The following ZNF365 variants were observed in gnomAD, a reference collection of about 807,000 sequenced individuals.
The protein encoded by ZNF365 is protein ZNF365.
In ZNF365, 22 loss-of-function variants were observed where a neutral mutation model predicts 35.0. That is an observed-to-expected ratio of 0.63 (90% confidence interval 0.45 to 0.90). The LOEUF is 0.90. Among genes scored for constraint, ZNF365 ranks in the 40% least tolerant of loss-of-function variants. The pLI, the probability that ZNF365 is intolerant of heterozygous loss-of-function variation, is 0.00. For missense variants in ZNF365, 448 were observed against 500.3 expected (o/e 0.90, Z 1.00); for synonymous variants, 188 against 196.2 (o/e 0.96, Z 0.35).
chr10:62,442,239 T>A (rs983673593), intron 3 of ZNF365, among the ~76,000 whole-genome samples: 53 of 152,136 alleles, frequency 3.5e-4, no homozygotes, highest in African/African-American at 1.3e-3. Flanking sequence ...GTTATTTTTC[T>A]CCATGACAAC....
intron 3 of ZNF365, among the ~76,000 whole-genome samples, chr10:62,446,600 G>T (rs912853779): frequency 1.2e-5 from 1 of 82,618 alleles, no homozygotes; most frequent in African/African-American, 3.6e-5. Flanking sequence ...GAGCTTCCAG[G>T]GATTTTTTTT....
intron 2 of ZNF365, among the ~76,000 whole-genome samples, chr10:62,382,572 G>A (rs1286895143): frequency 1.3e-5 from 2 of 152,148 alleles, no homozygotes; most frequent in Non-Finnish European, 2.9e-5. Context: ...TTGGGACTCA[G>A]AATATAGTAT....
chr10:62,464,356 G>A (rs1017937444), intron 4 of ZNF365, among the ~76,000 whole-genome samples: 4 of 152,164 alleles, frequency 2.6e-5, no homozygotes, highest in Admixed American at 6.5e-5. Flanking sequence ...TTCACAACAC[G>A]TAAGAGGATT....
chr10:62,468,368 C>G lies in ZNF365; in HGVS notation c.981+8571C>G, dbSNP rs142285249. The stretch of plus-strand genomic sequence containing the variant: ...TTCATGGAAGATGCATATTATGAAA[C>G]AACTATGCATGAATTTCAATTTTTT... On this transcript the variant is annotated intron_variant, in intron 4 of 4. Coordinates refer to the ZNF365 transcript ENST00000395255. Among the ~76,000 whole-genome samples, 335 of 152,146 alleles carry G rather than the reference C, an allele frequency of 2.2e-3. 5 individuals are homozygous for G. Among genetic ancestry groups the G allele is most frequent in the Non-Finnish European group, 9.1e-4 (62 of 68,000 alleles).
chr10:62,431,133 G>A (rs1200935461), intron 3 of ZNF365, among the ~76,000 whole-genome samples: 2 of 152,168 alleles, frequency 1.3e-5, no homozygotes, highest in Admixed American at 1.3e-4. Context: ...CCCTGCCTGG[G>A]AGGACTAACT....
At chr10:62,417,107 T>C (rs1840087570) in intron 3 of ZNF365, among the ~76,000 whole-genome samples, 1 of 152,086 alleles carries the variant, frequency 6.6e-6, no homozygotes, top group African/African-American at 2.4e-5. Flanking sequence ...CTTACTTTGT[T>C]TACCAATGAC....
intron 4 of ZNF365, among the ~76,000 whole-genome samples, chr10:62,472,586 C>G (rs1375102649): frequency 3.3e-5 from 5 of 152,164 alleles, no homozygotes; most frequent in Non-Finnish European, 7.3e-5. Flanking sequence ...TGTGACAGAG[C>G]CTTTCCTAGT....
intron 3 of ZNF365, among the ~76,000 whole-genome samples, chr10:62,441,038 C>T (rs562815291): frequency 1.1e-4 from 17 of 152,300 alleles, no homozygotes; most frequent in Admixed American, 1.0e-3. Flanking sequence ...TAAATATTCA[C>T]TTACTCATAA....
chr10:62,463,508 C>T (rs1438414330), intron 4 of ZNF365, among the ~76,000 whole-genome samples: 1 of 152,180 alleles, frequency 6.6e-6, no homozygotes, highest in African/African-American at 2.4e-5. Flanking sequence ...AGAGCCGGGA[C>T]AAATATGTGC....
chr10:62,425,495 C>T (rs147511998), intron 3 of ZNF365, among the ~76,000 whole-genome samples: 1 of 152,152 alleles, frequency 6.6e-6, no homozygotes, highest in Non-Finnish European at 1.5e-5. Flanking sequence ...TATGAACCAA[C>T]AGTTCACAGA....
chr10:62,433,238 G>T (rs1840359745), intron 3 of ZNF365, among the ~76,000 whole-genome samples: 1 of 152,130 alleles, frequency 6.6e-6, no homozygotes, highest in South Asian at 2.1e-4. Context: ...AGTTTTGGAG[G>T]CCCCTGAAAT....
chr10:62,448,891 TAGA>T (rs1840633902), intron 3 of ZNF365, among the ~76,000 whole-genome samples: 1 of 151,990 alleles, frequency 6.6e-6, no homozygotes, highest in Admixed American at 6.6e-5. Context: ...TTATTAATAT[TAGA>T]AGCAGGACCC....
intron 3 of ZNF365, among the ~76,000 whole-genome samples, chr10:62,417,189 A>T (rs1840088916): frequency 6.6e-6 from 1 of 152,044 alleles, no homozygotes; most frequent in Non-Finnish European, 1.5e-5. Context: ...TAAACATGTG[A>T]TTCTTTCTCC....
At chr10:62,385,730 C>G (rs948379137) in intron 2 of ZNF365, among the ~76,000 whole-genome samples, 1 of 152,170 alleles carries the variant, frequency 6.6e-6, no homozygotes, top group African/African-American at 2.4e-5. Flanking sequence ...TATTGTGTGT[C>G]AAACACAAAT....
chr10:62,424,314 G>A (rs1840218960), intron 3 of ZNF365, among the ~76,000 whole-genome samples: 1 of 152,102 alleles, frequency 6.6e-6, no homozygotes. Context: ...ACACCTTTTT[G>A]CAGGCACCAG....
intron 3 of ZNF365, among the ~76,000 whole-genome samples, chr10:62,393,512 G>A (rs752589935): frequency 2.6e-5 from 4 of 152,158 alleles, no homozygotes; most frequent in African/African-American, 4.8e-5. Flanking sequence ...GAACACCCTC[G>A]TATATGCAGT....
chr10:62,411,325 T>C (rs186088426), intron 3 of ZNF365, among the ~76,000 whole-genome samples: 226 of 152,300 alleles, frequency 1.5e-3, no homozygotes, highest in Non-Finnish European at 2.9e-3. Context: ...CAATTGCTTT[T>C]GGTGTTTTCA....
rs903501835 is a variant in ZNF365, at chr10:62,459,896, A to G, written c.981+99A>G. The G allele has an allele frequency of 6.2e-5, 65 of 1,050,840 alleles. No homozygotes were observed. In the African/African-American group the frequency reaches 6.6e-4, roughly 11 times the overall value. 65.1% of individuals were successfully genotyped at this position (1,050,840 alleles called of 1,614,324 possible). On this transcript the variant is annotated intron_variant, in intron 4 of 4. Transcript: ENST00000395255. ...GAGACTGGAAGGGGCGCAGCAGGCC[A>G]TTGGTTTCTGTATGAAAACACACAT... is the stretch of plus-strand genomic sequence containing the variant.
intron 2 of ZNF365, among the ~76,000 whole-genome samples, chr10:62,378,696 C>T (rs1839377332): frequency 6.6e-6 from 1 of 152,200 alleles, no homozygotes; most frequent in Non-Finnish European, 1.5e-5. Flanking sequence ...TTCCTGTGTG[C>T]CTGCAATCGT....
Sources: gnomAD v4.1 joint callset for allele counts (sites outside exome capture counted in the v4.1 genomes callset) on GRCh38, gnomAD v4.1.1 for gene constraint, MANE v1.5 for transcripts, NCBI Gene and HGNC (gene_info 2026-07-23, HGNC 2026-07-21) for gene names.